NRG1: variants seen among roughly 807,000 people sequenced by gnomAD.
NRG1 encodes neuregulin 1, also known as pro-neuregulin-1, membrane-bound isoform.
A neutral mutation model predicts 63.8 loss-of-function variants in NRG1; 18 were observed. The ratio of observed to expected loss-of-function variants is 0.28; its 90% CI spans 0.19 to 0.42. The LOEUF (loss-of-function observed/expected upper bound fraction) is 0.42. Among genes scored for constraint, NRG1 ranks in the 10% least tolerant of loss-of-function variants. The pLI, the probability that NRG1 is intolerant of heterozygous loss-of-function variation, is 1.00. For synonymous variants in NRG1, 302 were observed against 301.3 expected (o/e 1.00, Z -0.02); for missense variants, 762 against 814.7 (o/e 0.94, Z 0.79).
chr8:32,574,594 G>T (rs989837346), intron 1 of NRG1, among the ~76,000 whole-genome samples: 1 of 151,988 alleles, frequency 6.6e-6, no homozygotes, highest in African/African-American at 2.4e-5. Context: ...AAAGTGTGTG[G>T]TCTCTCTCTC....
intron 1 of NRG1, among the ~76,000 whole-genome samples, chr8:31,987,239 G>A (rs1424671315): frequency 6.7e-6 from 1 of 149,940 alleles, no homozygotes; most frequent in Non-Finnish European, 1.5e-5. Flanking sequence ...GGCAGAGGTT[G>A]TAGTGAGGTG....
intron 1 of NRG1, among the ~76,000 whole-genome samples, chr8:32,577,701 C>CT (rs35395739): frequency 0.22 from 32,357 of 148,118 alleles, 4,172 homozygotes; most frequent in Admixed American, 0.35. Context: ...AACCTTAACA[C>CT]TTTTTTTTTT....
At chr8:31,984,938 A>G (rs1207060459) in intron 1 of NRG1, among the ~76,000 whole-genome samples, 1 of 152,098 alleles carries the variant, frequency 6.6e-6, no homozygotes. Flanking sequence ...CGTTTCTGGA[A>G]AGAAAAGAAG....
chr8:31,764,384 T>C (rs1199711651), intron 1 of NRG1, among the ~76,000 whole-genome samples: 2 of 152,190 alleles, frequency 1.3e-5, no homozygotes, highest in African/African-American at 4.8e-5. Context: ...TTTACAGCCA[T>C]GATGACTTCC....
At chr8:31,650,968 G>A (rs1303743106) in intron 1 of NRG1, among the ~76,000 whole-genome samples, 3 of 152,188 alleles carry the variant, frequency 2.0e-5, no homozygotes, top group African/African-American at 4.8e-5. Flanking sequence ...TTCAAGGTCC[G>A]TTTAAACTGT....
chr8:32,386,840 C>T (rs1263514046), intron 1 of NRG1, among the ~76,000 whole-genome samples: 1 of 152,160 alleles, frequency 6.6e-6, no homozygotes, highest in Non-Finnish European at 1.5e-5. Context: ...ACAAATTTTA[C>T]TACCAGCAAA....
At chr8:32,110,088 G>A (rs114357786) in intron 1 of NRG1, among the ~76,000 whole-genome samples, 3,225 of 152,236 alleles carry the variant, frequency 0.021, 59 homozygotes, top group South Asian at 0.059. Flanking sequence ...AATAAAACAG[G>A]TGCTGAATAA....
chr8:31,838,913 A>G (rs1271109612), intron 1 of NRG1, among the ~76,000 whole-genome samples: 5 of 152,090 alleles, frequency 3.3e-5, no homozygotes, highest in Admixed American at 1.3e-4. Context: ...TGTATTCACT[A>G]TTTCCTCCAG....
At chr8:32,381,809 C>G (rs1810393476) in intron 1 of NRG1, among the ~76,000 whole-genome samples, 1 of 151,992 alleles carries the variant, frequency 6.6e-6, no homozygotes, top group African/African-American at 2.4e-5. Flanking sequence ...AAAATATAAA[C>G]AAAGAACAAT....
At chr8:32,390,376 T>C (rs553100688) in intron 1 of NRG1, among the ~76,000 whole-genome samples, 9 of 152,072 alleles carry the variant, frequency 5.9e-5, no homozygotes, top group African/African-American at 2.2e-4. Flanking sequence ...AACCCAGGTG[T>C]TTGATACCAA....
chr8:32,011,137 G>A (rs192087290), intron 1 of NRG1, among the ~76,000 whole-genome samples: 12 of 152,060 alleles, frequency 7.9e-5, no homozygotes, highest in Admixed American at 4.6e-4. Context: ...AAATCTCTAC[G>A]GCTTCTCACC....
In NRG1 at chr8:32,413,570, A is replaced by T. The variant is rs187303288; in HGVS notation, c.38-182258A>T. 1.2e-3 allele frequency among the ~76,000 whole-genome samples: 184 copies of T among 152,290 alleles called. 2 individuals are homozygous for T. Among genetic ancestry groups the T allele is most frequent in the Non-Finnish European group, 2.1e-3 (141 of 68,008 alleles). On this transcript the variant is annotated intron_variant, in intron 1 of 10. Transcript: ENST00000519301. The stretch of plus-strand genomic sequence containing the variant: ...TAATCTCAGCGCTGGGATTACACAC[A>T]TCCCTGTTTTTAAAAGTGAAATCTG...
At chr8:31,865,601 G>GT (rs756267542) in intron 1 of NRG1, among the ~76,000 whole-genome samples, 150 of 152,166 alleles carry the variant, frequency 9.9e-4, no homozygotes, top group Non-Finnish European at 1.7e-3. Context: ...ACATCTGATG[G>GT]TTTTTTATAA....
intron 1 of NRG1, among the ~76,000 whole-genome samples, chr8:32,091,985 C>T (rs891647849): frequency 1.3e-5 from 2 of 152,100 alleles, no homozygotes; most frequent in East Asian, 1.9e-4. Context: ...CTGCCTTAGA[C>T]AGCCAGAGAT....
Position 32,354,292 on chromosome 8 carries a change from C to G in NRG1, c.38-241536C>G, listed in dbSNP as rs1001318613. ...GCTGAGGCAGGAGAATCGCTAGAACCCGGGAGGCAGAGGTTGCAGTGAGCC... is the reference window on the plus strand; with the variant it reads ...GCTGAGGCAGGAGAATCGCTAGAACGCGGGAGGCAGAGGTTGCAGTGAGCC... On this transcript the variant is annotated intron_variant, in intron 1 of 10. Transcript: ENST00000519301. Among the ~76,000 whole-genome samples the G allele has an allele frequency of 2.6e-5, 4 of 152,192 alleles. No individual in the cohort carries two copies. The East Asian group carries it at 7.8e-4, about 30-fold the overall frequency.
intron 6 of NRG1, among the ~76,000 whole-genome samples, chr8:32,734,994 G>A (rs1467639876): frequency 6.6e-6 from 1 of 152,054 alleles, no homozygotes; most frequent in Admixed American, 6.6e-5. Flanking sequence ...GTAATTAATT[G>A]AATTATAAAT....
chr8:32,403,982 A>G (rs1813589018), intron 1 of NRG1, among the ~76,000 whole-genome samples: 1 of 152,152 alleles, frequency 6.6e-6, no homozygotes, highest in South Asian at 2.1e-4. Context: ...AAAACAAAAA[A>G]CAAATGTTCA....
chr8:32,031,557 T>C (rs1405682449), intron 1 of NRG1, among the ~76,000 whole-genome samples: 1 of 152,116 alleles, frequency 6.6e-6, no homozygotes, highest in Non-Finnish European at 1.5e-5. Context: ...TATGGGACTT[T>C]CATTTATAAC....
chr8:32,227,598 G>A (rs1007549039), intron 1 of NRG1, among the ~76,000 whole-genome samples: 4 of 152,098 alleles, frequency 2.6e-5, no homozygotes, highest in Non-Finnish European at 5.9e-5. Context: ...CTTTCCTTTC[G>A]GAATTTCTTT....
Sources: allele counts gnomAD v4.1 joint callset (sites outside exome capture counted in the v4.1 genomes callset), GRCh38; gene constraint gnomAD v4.1.1; transcripts MANE v1.5; gene names NCBI Gene and HGNC (gene_info 2026-07-23, HGNC 2026-07-21).